Variants in MTTP observed in about 807,000 individuals in gnomAD.
MTTP encodes microsomal triglyceride transfer protein.
A neutral mutation model predicts 90.6 loss-of-function variants in MTTP; 49 were observed. That is an observed-to-expected ratio of 0.54 (90% confidence interval 0.43 to 0.69). The LOEUF is 0.69. MTTP is among the 30% of genes least tolerant of loss of function. MTTP has a pLI of 0.00. For synonymous variants in MTTP, 347 were observed against 384.2 expected, an observed-to-expected ratio of 0.90 and a Z score of 1.13; for missense variants, 945 against 1,067.5, an observed-to-expected ratio of 0.89 and a Z score of 1.60.
chr4:99,599,120 G>C lies in MTTP; in HGVS notation c.1068-1445G>C, dbSNP rs372920339. On this transcript the variant is annotated intron_variant, in intron 8 of 17. Coordinates refer to ENST00000265517, the MANE Select transcript of MTTP (RefSeq NM_001386140.1). ...ATATGTTGTATCCTGTAATTTGCAG[G>C]AAGTTAACAGGTATGCAAAAAGGAA... Among the ~76,000 whole-genome samples the C allele has an allele frequency of 2.8e-4, 43 of 152,300 alleles. No individual in the cohort carries two copies. The East Asian group carries it at 4.0e-3, about 14-fold the overall frequency.
chr4:99,605,194 C>G (rs943887605), intron 10 of MTTP, among the ~76,000 whole-genome samples: 9 of 152,094 alleles, frequency 5.9e-5, no homozygotes, highest in Non-Finnish European at 1.3e-4. Flanking sequence ...CTTCTCGATG[C>G]TTTTCCCCCA....
chr4:99,572,576 A>G (rs946378267), upstream of MTTP, among the ~76,000 whole-genome samples: 1 of 152,068 alleles, frequency 6.6e-6, no homozygotes, highest in African/African-American at 2.4e-5. Context: ...TGTAAGGATT[A>G]TTATAAAAAC....
At chr4:99,594,676 A>T (rs1379075712) in intron 6 of MTTP, 57 bp from the exon 7 acceptor site, 1 of 1,594,482 alleles carries the variant, frequency 6.3e-7, no homozygotes, top group South Asian at 1.1e-5. Flanking sequence ...GGCAATTAGT[A>T]TCTTGTTCAC....
intron 2 of MTTP, 83 bp downstream of exon 2, chr4:99,582,175 G>C (rs1240974032): frequency 3.6e-6 from 5 of 1,380,058 alleles, no homozygotes; most frequent in South Asian, 1.2e-5. Flanking sequence ...ACTTGTATTG[G>C]GTTCCCGTTT....
At chr4:99,619,155 C>A (rs1726171459) in intron 16 of MTTP, 57 bp downstream of exon 16, 2 of 1,476,616 alleles carry the variant, frequency 1.4e-6, no homozygotes, top group Admixed American at 3.4e-5. Flanking sequence ...ATACAGAGAA[C>A]TTCCGAAATA....
At chr4:99,573,740 C>G (rs1253191015), upstream of MTTP, among the ~76,000 whole-genome samples, 1 of 151,992 alleles carries the variant, frequency 6.6e-6, no homozygotes. Flanking sequence ...TGAGAGTGAC[C>G]AGGATAGATT....
intron 3 of MTTP, among the ~76,000 whole-genome samples, chr4:99,585,913 C>T (rs1203315981): frequency 3.3e-5 from 5 of 152,118 alleles, no homozygotes; most frequent in African/African-American, 1.2e-4. Context: ...TTGGCCATGT[C>T]ACTGTCAGAA....
chr4:99,616,547 C>T (rs1326131990), intron 15 of MTTP, among the ~76,000 whole-genome samples: 3 of 152,134 alleles, frequency 2.0e-5, no homozygotes, highest in Non-Finnish European at 4.4e-5. Context: ...TTAAATGAGA[C>T]ACCAAAGCTT....
At chr4:99,608,444 CA>C (rs909676223) in intron 11 of MTTP, among the ~76,000 whole-genome samples, 67 of 147,906 alleles carry the variant, frequency 4.5e-4, no homozygotes, top group African/African-American at 1.5e-3. Context: ...GACTCTGCCT[CA>C]AAAAAAAAAT....
At chr4:99,577,632 G>GAA (rs1725001914) in intron 1 of MTTP, among the ~76,000 whole-genome samples, 3 of 136,562 alleles carry the variant, frequency 2.2e-5, no homozygotes, top group Non-Finnish European at 3.2e-5. Context: ...AGAAAGAAAA[G>GAA]AAAGAAAGGA....
intron 3 of MTTP, among the ~76,000 whole-genome samples, chr4:99,588,693 A>G (rs1466429524): frequency 7.7e-6 from 1 of 129,162 alleles, no homozygotes. Flanking sequence ...CTGAATATAT[A>G]TATACACACA....
chr4:99,619,244 A>C (rs1038032788), intron 16 of MTTP, 146 bp downstream of exon 16: 1 of 810,166 alleles, frequency 1.2e-6, no homozygotes. Context: ...GTTGGAAGTG[A>C]TCATAGGAAA....
intron 1 of MTTP, among the ~76,000 whole-genome samples, chr4:99,569,656 A>G (rs1447162974): frequency 3.3e-5 from 5 of 152,110 alleles, no homozygotes; most frequent in African/African-American, 9.6e-5. Flanking sequence ...AGCACAAACT[A>G]TATTCCGTCT....
chr4:99,572,762 A>G (rs1724867301), upstream of MTTP, among the ~76,000 whole-genome samples: 1 of 152,124 alleles, frequency 6.6e-6, no homozygotes, highest in South Asian at 2.1e-4. Flanking sequence ...ACAGAAGAGC[A>G]TACTTCTTCG....
chr4:99,596,872 G>T (rs942182217), intron 7 of MTTP, among the ~76,000 whole-genome samples, 195 bp from the exon 8 acceptor site: 3 of 152,128 alleles, frequency 2.0e-5, no homozygotes, highest in Non-Finnish European at 2.9e-5. Context: ...TCCTATAGAG[G>T]AATGGTTCAC....
At chr4:99,582,986 T>G (rs1725157487) in intron 2 of MTTP, among the ~76,000 whole-genome samples, 1 of 152,166 alleles carries the variant, frequency 6.6e-6, no homozygotes, top group Admixed American at 6.5e-5. Context: ...ACTTTATTTT[T>G]ATTTACACAG....
At chr4:99,570,144 C>T (rs1047698095), upstream of MTTP, among the ~76,000 whole-genome samples, 3 of 151,776 alleles carry the variant, frequency 2.0e-5, no homozygotes, top group Non-Finnish European at 4.4e-5. Context: ...TATCTGGGGT[C>T]AATTTTTTTC....
chr4:99,606,903 C>T lies in MTTP; in HGVS notation c.1500C>T (p.Ile500=). ...LKYAEAGEGP[I]SHLATTALQR... ...ATGCAGAAGCAGGAGAAGGGCCCAT[C>T]AGCCACCTGGCTACCACTGCTCTCC... Residue 500 remains isoleucine (I), a synonymous_variant, in exon 11 of 18, where the codon ATC becomes ATT. Coordinates refer to ENST00000265517, the MANE Select transcript of MTTP (RefSeq NM_001386140.1). The T allele has an allele frequency of 2.5e-6, 4 of 1,613,934 alleles. No individual in the cohort carries two copies. Among genetic ancestry groups the T allele is most frequent in the Non-Finnish European group, 3.4e-6 (4 of 1,179,942 alleles).
chr4:99,589,618 T>A (rs1725363732), intron 3 of MTTP, 25 bp from the exon 4 acceptor site: 1 of 1,354,890 alleles, frequency 7.4e-7, no homozygotes, highest in Admixed American at 1.7e-5. Context: ...GCTTCATTTG[T>A]GTTCTGTTCC....
Sources: allele counts gnomAD v4.1 joint callset (sites outside exome capture counted in the v4.1 genomes callset), GRCh38; gene constraint gnomAD v4.1.1; transcripts MANE v1.5; gene names NCBI Gene and HGNC (gene_info 2026-07-23, HGNC 2026-07-21).